Variants in NOTO observed in about 807,000 individuals in gnomAD.
NOTO encodes the protein homeobox protein notochord.
A neutral mutation model predicts 20.5 loss-of-function variants in NOTO; 19 were observed. The ratio of observed to expected loss-of-function variants is 0.93; its 90% confidence interval spans 0.65 to 1.36. The LOEUF (loss-of-function observed/expected upper bound fraction) is 1.36, where lower values mean the gene tolerates loss of function less well. Ranked by LOEUF, NOTO falls within the 40% of genes most tolerant of loss-of-function variation. The probability of loss-of-function intolerance (pLI) is 0.00; values close to 1 mark genes in which losing one functional copy is unlikely to be tolerated. For synonymous variants in NOTO, 150 were observed against 150.2 expected (o/e 1.00, Z 0.01); for missense variants, 369 against 336.2 (o/e 1.10, Z -0.76).
chr2:73,203,935 C>T (rs1686046903), intron 1 of NOTO, among the ~76,000 whole-genome samples: 1 of 121,214 alleles, frequency 8.2e-6, no homozygotes, highest in Admixed American at 7.7e-5. Flanking sequence ...CCCGTCTCTA[C>T]TAAAAATACA....
chr2:73,210,824 G>C lies in NOTO; in HGVS notation c.651G>C (p.Leu217=). Residue 217 remains leucine, a synonymous_variant, in exon 3 of 3, where the codon CTG becomes CTC. Transcript: ENST00000398468. ...RRVKYQKQQK[L]RAAVTSAEAA... ...TCAAGTATCAGAAGCAGCAAAAGCT[G>C]AGGGCAGCAGTTACATCTGCCGAGG... 6.4e-7 allele frequency: 1 copy of C among 1,551,672 alleles called. No individual in the cohort carries two copies. The highest frequency in any genetic ancestry group is 8.7e-7 in the Non-Finnish European group (1 of 1,146,966).
intron 1 of NOTO, among the ~76,000 whole-genome samples, chr2:73,206,279 T>G (rs994678166): frequency 6.6e-6 from 1 of 152,194 alleles, no homozygotes; most frequent in Admixed American, 6.5e-5. Context: ...CCATTGACTT[T>G]CTTCTTGCTC....
At position 73,207,874 on chromosome 2, in the gene NOTO, C is replaced by T. The variant is rs1686110766; in HGVS notation, c.383-526C>T. 3.9e-5 allele frequency among the ~76,000 whole-genome samples: 6 copies of T among 152,178 alleles called. 1 individual carries two copies. The South Asian group carries it at 1.2e-3, about 32-fold the overall frequency. On this transcript the variant is annotated intron_variant, in intron 1 of 2. Coordinates refer to ENST00000398468, the MANE Select transcript of NOTO (RefSeq NM_001134462.2). ...TCAGTGATGACTCCCAAATTTGTAT[C>T]CTCAGCTCAACCCTCTCTTCTGACT...
rs1197544662 is a variant in NOTO, at chr2:73,208,545, A to G, written c.528A>G (p.Ala176=). The G allele has an allele frequency of 1.3e-6, 2 of 1,551,550 alleles. No individual in the cohort carries two copies. Among genetic ancestry groups the G allele is most frequent in the Non-Finnish European group, 1.7e-6 (2 of 1,146,984 alleles). The change falls in exon 2 of 3, where the codon GCA becomes GCG. Residue 176 remains alanine (A), a synonymous_variant. Coordinates refer to ENST00000398468, the MANE Select transcript of NOTO (RefSeq NM_001134462.2). ...TGGAAGAGTTGGAGAAAGTGTTTGC[A>G]AAACAGCACAATCTGGTGGGGAAGA... ...EQLEELEKVF[A]KQHNLVGKKR...
intron 1 of NOTO, among the ~76,000 whole-genome samples, chr2:73,205,277 C>T (rs1686074397): frequency 1.3e-5 from 2 of 152,134 alleles, no homozygotes; most frequent in Admixed American, 1.3e-4. Flanking sequence ...TTTGGGAGGC[C>T]AAGGCGGGTG....
At chr2:73,209,734 T>C (rs1439248152) in intron 2 of NOTO, among the ~76,000 whole-genome samples, 1 of 152,200 alleles carries the variant, frequency 6.6e-6, no homozygotes, top group African/African-American at 2.4e-5. Context: ...ATCTGACTTA[T>C]ATCTCTAACT....
rs781228218 is a variant in NOTO, at chr2:73,208,496, G to A, written c.479G>A (p.Arg160Gln). ...ACTGAGAGACAGCAAAAGAGAGTCCGAACTATGTTTAACTTGGAGCAGCTG... is the reference window on the plus strand; with the variant it reads ...ACTGAGAGACAGCAAAAGAGAGTCCAAACTATGTTTAACTTGGAGCAGCTG... ...QDTERQQKRVRTMFNLEQLEE... is the reference protein window; with the variant it reads ...QDTERQQKRVQTMFNLEQLEE... The change falls in exon 2 of 3, where the codon CGA becomes CAA. Residue 160 changes from arginine to glutamine, a missense_variant. Physicochemically the swap from Arg to Gln is conservative, Grantham distance 43. Transcript: ENST00000398468. 28 of 1,551,346 alleles carry A rather than the reference G, an allele frequency of 1.8e-5. 1 individual carries two copies. The highest frequency in any genetic ancestry group is 4.8e-5 in the South Asian group (4 of 84,046).
chr2:73,205,858 C>T (rs1055532407), intron 1 of NOTO, among the ~76,000 whole-genome samples: 2 of 151,034 alleles, frequency 1.3e-5, no homozygotes, highest in South Asian at 2.1e-4. Context: ...CTCAGCCTCC[C>T]GAGTAGCAGG....
In NOTO at chr2:73,211,291, C is replaced by A. The variant is rs1365482876; in HGVS notation, c.*362C>A. The A allele has an allele frequency of 4.4e-5, 8 of 180,520 alleles. No homozygotes were observed. The highest frequency in any genetic ancestry group is 6.2e-5 in the Admixed American group (1 of 16,144). The allele number at this position is 180,520 out of a possible 1,614,324, so 11.2% of individuals were successfully genotyped here. A position where few individuals can be genotyped will look rare whatever the true frequency, so the allele number is the denominator to read the frequency against. ...GTGGTTACTGTTAAGGCTTGTAGGC[C>A]CCTGAGTAGAGAAGACCAACTGGAA... On this transcript the variant is annotated 3_prime_UTR_variant, in exon 3 of 3. Coordinates refer to ENST00000398468, the MANE Select transcript of NOTO (RefSeq NM_001134462.2).
At chr2:73,204,311 G>A (rs1194078189) in intron 1 of NOTO, among the ~76,000 whole-genome samples, 3 of 152,050 alleles carry the variant, frequency 2.0e-5, no homozygotes, top group Non-Finnish European at 2.9e-5. Flanking sequence ...AGTAACTATA[G>A]AGGGAACTTT....
chr2:73,210,893 CCA>C lies in NOTO; in HGVS notation c.721_722del (p.Gln241GlufsTer2). 1 of 1,551,540 alleles carries C rather than the reference CCA, an allele frequency of 6.4e-7. No homozygotes were observed. The highest frequency in any genetic ancestry group is 8.7e-7 in the Non-Finnish European group (1 of 1,146,918). Reference protein sequence around the residue: ...EPSSSSIASIQSDDAESGVDG With the variant: ...EPSSSSIASIXSDDAESGVDG ...CTTCCAGCAGCTCCATCGCCAGTAT[CCA>C]GAGTGATGATGCCGAGTCAGGAGTG... On this transcript the variant is annotated frameshift_variant, in exon 3 of 3. Transcript: ENST00000398468. LOFTEE classifies it high-confidence loss of function.
chr2:73,206,117 G>A (rs1354479337), intron 1 of NOTO, among the ~76,000 whole-genome samples: 1 of 151,998 alleles, frequency 6.6e-6, no homozygotes, highest in South Asian at 2.1e-4. Context: ...CTAAATTTTT[G>A]TGGGTTTACC....
At chr2:73,207,151 A>G (rs181006445) in intron 1 of NOTO, among the ~76,000 whole-genome samples, 5 of 152,134 alleles carry the variant, frequency 3.3e-5, no homozygotes, top group South Asian at 2.1e-4. Context: ...CCAAAGGTCA[A>G]TTTCTGATTC....
chr2:73,207,879 G>C (rs1030148653), intron 1 of NOTO, among the ~76,000 whole-genome samples: 1 of 152,130 alleles, frequency 6.6e-6, no homozygotes, highest in African/African-American at 2.4e-5. Flanking sequence ...TGTATCCTCA[G>C]CTCAACCCTC....
At chr2:73,204,253 G>C (rs921224520) in intron 1 of NOTO, among the ~76,000 whole-genome samples, 1 of 152,152 alleles carries the variant, frequency 6.6e-6, no homozygotes, top group East Asian at 1.9e-4. Flanking sequence ...ACTCTAGCCT[G>C]GGCAACAGAG....
rs763001329 is a variant in NOTO at position 73,204,870 on chromosome 2, A to ATTTTTTTTTTTTTTTTTTTTTTTTTTT, written c.382+1830_382+1831insTTTTTTTTTTTTTTTTTTTTTTTTTTT. Among the ~76,000 whole-genome samples the ATTTTTTTTTTTTTTTTTTTTTTTTTTT allele has an allele frequency of 4.3e-5, 4 of 93,014 alleles. 1 individual carries two copies. Among genetic ancestry groups the ATTTTTTTTTTTTTTTTTTTTTTTTTTT allele is most frequent in the African/African-American group, 1.8e-4 (3 of 16,666 alleles). 61.0% of individuals were successfully genotyped at this position (93,014 alleles called of 152,430 possible). A position where few individuals can be genotyped will look rare whatever the true frequency, so the allele number is the denominator to read the frequency against. On this transcript the variant is annotated intron_variant, in intron 1 of 2. Transcript: ENST00000398468. The stretch of plus-strand genomic sequence containing the variant: ...CAAGCCCCAGCACCATGCCCGGCTA[A>ATTTTTTTTTTTTTTTTTTTTTTTTTTT]TTTTTTTTATTTTTTTATTTTTTTT...
rs1025408663 is a variant in NOTO at position 73,202,843 on chromosome 2, C to A, written c.177C>A (p.Asp59Glu). The A allele has an allele frequency of 2.0e-6, 3 of 1,526,098 alleles. No homozygotes were observed. The highest frequency in any genetic ancestry group is 2.6e-6 in the Non-Finnish European group (3 of 1,142,220). 94.5% of individuals were successfully genotyped at this position (1,526,098 alleles called of 1,614,324 possible). A position where few individuals can be genotyped will look rare whatever the true frequency, so the allele number is the denominator to read the frequency against. ...TCGAGGCCATCCTGGCGAGGCCCGA[C>A]CCCTGCGCGCCGGCGGCCTCCCAGC... ...FSVEAILARPDPCAPAASQPS... is the reference protein window; with the variant it reads ...FSVEAILARPEPCAPAASQPS... The change falls in exon 1 of 3, where the codon GAC (aspartate) becomes GAA (glutamate). Residue 59 changes from aspartate (D) to glutamate (E), a missense_variant. By Grantham distance (45) the Asp-to-Glu change is conservative (BLOSUM62 2). Transcript: ENST00000398468.
intron 1 of NOTO, among the ~76,000 whole-genome samples, chr2:73,206,431 C>T (rs1686089523): frequency 6.6e-6 from 1 of 151,526 alleles, no homozygotes; most frequent in African/African-American, 2.4e-5. Context: ...CTCTGCCTCC[C>T]GAGCTCAAGT....
rs1263763590 is a variant in NOTO, at chr2:73,208,434, C to T, written c.417C>T (p.Ala139=). The T allele has an allele frequency of 1.9e-6, 3 of 1,551,622 alleles. No individual in the cohort carries two copies. The highest frequency in any genetic ancestry group is 4.9e-5 in the East Asian group (2 of 40,924). Residue 139 remains alanine, a synonymous_variant, in exon 2 of 3, where the codon GCC becomes GCT. Transcript: ENST00000398468. ...TGGCTCACTGCTCAGGACTCTGGGC[C>T]TTCCCAGACTGGGCCCCAACGGAGG... ...LELAHCSGLW[A]FPDWAPTEDL...
Sources: allele counts gnomAD v4.1 joint callset (sites outside exome capture counted in the v4.1 genomes callset), GRCh38; gene constraint gnomAD v4.1.1; transcripts MANE v1.5; gene names NCBI Gene and HGNC (gene_info 2026-07-23, HGNC 2026-07-21).